The following SLC35F4 variants were observed in gnomAD, a reference collection of about 807,000 sequenced individuals.
SLC35F4 encodes chromosome 14 open reading frame 36.
A neutral mutation model predicts 44.2 loss-of-function variants in SLC35F4; 24 were observed. That is an observed-to-expected ratio of 0.54 (90% CI 0.39 to 0.76). The LOEUF is 0.76. SLC35F4 is among the 30% of genes least tolerant of loss of function. The pLI is 0.00. For missense variants in SLC35F4, 562 were observed against 586.1 expected, an observed-to-expected ratio of 0.96 and a Z score of 0.42; for synonymous variants, 238 against 223.6, an observed-to-expected ratio of 1.06 and a Z score of -0.57.
intron 1 of SLC35F4, among the ~76,000 whole-genome samples, chr14:57,641,501 G>A (rs1730031056): frequency 1.3e-5 from 2 of 152,006 alleles, no homozygotes; most frequent in Admixed American, 1.3e-4. Context: ...ACACTTTCTA[G>A]CTGAAGATTT....
chr14:57,892,093 T>C (rs1888782548), intron 1 of SLC35F4, among the ~76,000 whole-genome samples: 1 of 152,242 alleles, frequency 6.6e-6, no homozygotes, highest in Non-Finnish European at 1.5e-5. Context: ...CATTTATTAC[T>C]CAATTCCCTT....
intron 1 of SLC35F4, among the ~76,000 whole-genome samples, chr14:57,848,596 A>T (rs1392312899): frequency 2.0e-5 from 3 of 152,222 alleles, no homozygotes; most frequent in African/African-American, 7.2e-5. Flanking sequence ...ATGATTCTCC[A>T]TGAGTCTTTC....
intron 1 of SLC35F4, among the ~76,000 whole-genome samples, chr14:57,905,318 C>G (rs1378670903): frequency 1.3e-5 from 2 of 152,158 alleles, no homozygotes; most frequent in Non-Finnish European, 2.9e-5. Context: ...CCCATGACAC[C>G]AAGGGTGAAG....
chr14:57,668,343 C>G (rs2074391974), intron 1 of SLC35F4, among the ~76,000 whole-genome samples: 2 of 151,622 alleles, frequency 1.3e-5, no homozygotes, highest in African/African-American at 4.9e-5. Flanking sequence ...AATTAGATTC[C>G]ATTTGTCAAT....
At position 57,571,993 on chromosome 14, in the gene SLC35F4, G is replaced by A. The variant is rs376795716; in HGVS notation, c.834C>T (p.Thr278=). 6.3e-5 allele frequency: 101 copies of A among 1,610,752 alleles called. No individual in the cohort carries two copies. Among genetic ancestry groups the A allele is most frequent in the African/African-American group, 1.5e-4 (11 of 74,866 alleles). The stretch of plus-strand genomic sequence containing the variant: ...CTGCATATGCCATCATGACAATGCC[G>A]GTAATTGCCATTATTGCAGCAACTA... ...VRIVAAIMAI[T]GIVMMAYADN... The change falls in exon 5 of 8, where the codon ACC becomes ACT. Residue 278 remains threonine (T), a synonymous_variant. Coordinates refer to ENST00000556826, the MANE Select transcript of SLC35F4 (RefSeq NM_001306087.2).
chr14:57,565,985 T>C (rs2068186355), intron 7 of SLC35F4, among the ~76,000 whole-genome samples: 5 of 152,186 alleles, frequency 3.3e-5, no homozygotes, highest in Admixed American at 3.3e-4. Flanking sequence ...ATAGCTTCTC[T>C]TGTCCCTGAG....
intron 1 of SLC35F4, among the ~76,000 whole-genome samples, chr14:57,929,747 T>C (rs181471766): frequency 3.9e-5 from 6 of 152,242 alleles, no homozygotes; most frequent in Admixed American, 3.9e-4. Context: ...AAGCCGCATG[T>C]TATAAAATGT....
At chr14:57,885,807 T>C (rs1270282260) in intron 1 of SLC35F4, among the ~76,000 whole-genome samples, 1 of 152,238 alleles carries the variant, frequency 6.6e-6, no homozygotes, top group Non-Finnish European at 1.5e-5. Flanking sequence ...TTCATACTGC[T>C]GCTTAAATAT....
At chr14:57,928,374 G>A (rs1340458408) in intron 1 of SLC35F4, among the ~76,000 whole-genome samples, 1 of 152,160 alleles carries the variant, frequency 6.6e-6, no homozygotes, top group African/African-American at 2.4e-5. Context: ...GGAAAGGCAG[G>A]ACTTTCACAA....
Position 57,969,386 on chromosome 14 carries a change from A to G in SLC35F4, n.282+12527T>C, listed in dbSNP as rs142333312. Among the ~76,000 whole-genome samples, 1,177 of 152,292 alleles carry G rather than the reference A, an allele frequency of 7.7e-3. 6 individuals carry two copies. The highest frequency in any genetic ancestry group is 0.013 in the Non-Finnish European group (888 of 68,018). On this transcript the variant is annotated intron_variant and non_coding_transcript_variant, in intron 1 of 1. Transcript: ENST00000556568. ...ATTGTCATGAACAACTTCAATGACA[A>G]TCTCATTGTCTTATCCTTTAATTGA...
chr14:57,761,564 C>A (rs577072594), intron 1 of SLC35F4, among the ~76,000 whole-genome samples: 125 of 152,156 alleles, frequency 8.2e-4, no homozygotes, highest in African/African-American at 2.9e-3. Context: ...TCAAAGCTCC[C>A]TACTGTACAT....
chr14:57,626,494 G>C (rs1288961517), intron 1 of SLC35F4, among the ~76,000 whole-genome samples: 1 of 152,072 alleles, frequency 6.6e-6, no homozygotes, highest in Non-Finnish European at 1.5e-5. Context: ...GGGACATCTG[G>C]GGACTTCAGG....
chr14:57,691,012 G>C (rs1430069992), intron 1 of SLC35F4, among the ~76,000 whole-genome samples: 2 of 152,154 alleles, frequency 1.3e-5, no homozygotes, highest in African/African-American at 4.8e-5. Flanking sequence ...CATGGTATCG[G>C]TTTGTGGCCT....
At chr14:57,704,751 C>T (rs561404233) in intron 1 of SLC35F4, among the ~76,000 whole-genome samples, 12 of 152,266 alleles carry the variant, frequency 7.9e-5, no homozygotes, top group Admixed American at 3.3e-4. Context: ...TTCTGTGGCC[C>T]TGTGTGCATT....
At chr14:57,847,375 G>T (rs553575028) in intron 1 of SLC35F4, among the ~76,000 whole-genome samples, 1 of 152,242 alleles carries the variant, frequency 6.6e-6, no homozygotes, top group South Asian at 2.1e-4. Flanking sequence ...TCTTATACTG[G>T]TAAGGGATAA....
rs201906416 is a variant in SLC35F4 at position 57,946,473 on chromosome 14, T to C, written n.282+35440A>G. The stretch of plus-strand genomic sequence containing the variant: ...TGTTTTGTTTTGTTTTCTTTTCTTT[T>C]TTTTTTTTTTTTTTTTTTTGAGACC... On this transcript the variant is annotated intron_variant and non_coding_transcript_variant, in intron 1 of 1. Coordinates refer to the SLC35F4 transcript ENST00000556568. Among the ~76,000 whole-genome samples the C allele has an allele frequency of 0.02, 2,625 of 134,072 alleles. 259 individuals are homozygous for C. In the East Asian group the frequency reaches 0.33, roughly 17 times the overall value. The allele number at this position is 134,072 out of a possible 152,430, so 88.0% of individuals were successfully genotyped here.
intron 1 of SLC35F4, among the ~76,000 whole-genome samples, chr14:57,911,416 T>G (rs1346688248): frequency 6.6e-6 from 1 of 152,056 alleles, no homozygotes; most frequent in Non-Finnish European, 1.5e-5. Context: ...ATGTTAGCTG[T>G]AGGCTTTTTG....
At chr14:57,899,703 C>T (rs1175801018) in intron 1 of SLC35F4, among the ~76,000 whole-genome samples, 1 of 152,192 alleles carries the variant, frequency 6.6e-6, no homozygotes, top group African/African-American at 2.4e-5. Flanking sequence ...CTCTCCCTGT[C>T]TCTGGGCCCC....
At chr14:57,828,229 A>G (rs939850865) in intron 1 of SLC35F4, among the ~76,000 whole-genome samples, 60 of 152,098 alleles carry the variant, frequency 3.9e-4, no homozygotes, top group Admixed American at 1.7e-3. Context: ...CCCAGATCCA[A>G]TGCCAGAGAT....
Sources: gnomAD v4.1 joint callset for allele counts (sites outside exome capture counted in the v4.1 genomes callset) on GRCh38, gnomAD v4.1.1 for gene constraint, MANE v1.5 for transcripts, NCBI Gene and HGNC (gene_info 2026-07-23, HGNC 2026-07-21) for gene names.